The following CLVS1 variants were observed in gnomAD, a reference collection of about 807,000 sequenced individuals.
The protein encoded by CLVS1 is clavesin-1.
Under a neutral mutation model 33.1 loss-of-function variants are expected in CLVS1, and 10 were observed. That is an observed-to-expected ratio of 0.30 (90% CI 0.19 to 0.51). The LOEUF is 0.51. Among genes scored for constraint, CLVS1 ranks in the 20% least tolerant of loss-of-function variants. The probability of loss-of-function intolerance (pLI) is 0.97; values close to 1 mark genes in which losing one functional copy is unlikely to be tolerated. For synonymous variants in CLVS1, 163 were observed against 166.1 expected, an observed-to-expected ratio of 0.98 and a Z score of 0.14; for missense variants, 343 against 433.4, an observed-to-expected ratio of 0.79 and a Z score of 1.85.
chr8:61,113,236 T>A lies in CLVS1; in HGVS notation c.-242-18534T>A, dbSNP rs576413115. Reference sequence around the variant, plus strand: ...CATGGGGCGGGGAGTTGTGGGGTGATGCAGGGTAATGGAAGTTTTTGAGAA... The same window carrying A: ...CATGGGGCGGGGAGTTGTGGGGTGAAGCAGGGTAATGGAAGTTTTTGAGAA... On this transcript the variant is annotated intron_variant, in intron 1 of 2. Transcript: ENST00000522621. Among the ~76,000 whole-genome samples the A allele has an allele frequency of 1.2e-4, 18 of 152,224 alleles. No individual in the cohort carries two copies. In the South Asian group the frequency reaches 3.3e-3, roughly 28 times the overall value.
At chr8:60,986,777 A>G in the CLVS1 span, among the ~76,000 whole-genome samples, 1 of 152,310 alleles carries the variant, frequency 6.6e-6, no homozygotes, top group South Asian at 2.1e-4. Flanking sequence ...CATCAATTAT[A>G]TCCTGCCATA....
intron 2 of CLVS1, among the ~76,000 whole-genome samples, chr8:61,329,086 TC>T (rs1486114928): frequency 4.6e-5 from 7 of 152,206 alleles, no homozygotes; most frequent in South Asian, 2.1e-4. Flanking sequence ...TTTCTCACTT[TC>T]CCTAATAATC....
chr8:61,417,310 T>C (rs1026676355), intron 3 of CLVS1, among the ~76,000 whole-genome samples: 8 of 152,250 alleles, frequency 5.3e-5, no homozygotes, highest in Non-Finnish European at 1.0e-4. Flanking sequence ...TACAACACTG[T>C]ATTTAAGAAA....
At chr8:61,357,494 C>CTTTTTTCTTTTT (rs1812776886) in intron 2 of CLVS1, among the ~76,000 whole-genome samples, 1 of 25,804 alleles carries the variant, frequency 3.9e-5, no homozygotes, top group African/African-American at 9.9e-5. Context: ...TTTTTCTTTT[C>CTTTTTTCTTTTT]TTTTTTTTTT....
intron 2 of CLVS1, among the ~76,000 whole-genome samples, chr8:61,192,380 A>G (rs576756303): frequency 1.3e-5 from 2 of 152,344 alleles, no homozygotes; most frequent in Admixed American, 6.5e-5. Context: ...TTAATTCAGG[A>G]TGAATTAAAG....
chr8:61,047,872 G>A, the CLVS1 span, among the ~76,000 whole-genome samples: 1 of 152,052 alleles, frequency 6.6e-6, no homozygotes. Flanking sequence ...CAGCACACCA[G>A]CATGGCACAT....
chr8:61,382,731 A>G (rs1013560690), intron 3 of CLVS1, among the ~76,000 whole-genome samples: 2 of 152,140 alleles, frequency 1.3e-5, no homozygotes, highest in Admixed American at 1.3e-4. Context: ...AGAGCCCAAG[A>G]ATTTACACTT....
At chr8:60,984,279 T>A in the CLVS1 span, among the ~76,000 whole-genome samples, 1 of 151,874 alleles carries the variant, frequency 6.6e-6, no homozygotes, top group Admixed American at 6.6e-5. Flanking sequence ...TTACAAAGAG[T>A]CAAAAGGTCT....
At chr8:61,304,830 T>C (rs1810564027) in intron 2 of CLVS1, among the ~76,000 whole-genome samples, 1 of 152,062 alleles carries the variant, frequency 6.6e-6, no homozygotes, top group African/African-American at 2.4e-5. Flanking sequence ...AAGGTTAAAA[T>C]TGGTCAAGTA....
intron 3 of CLVS1, among the ~76,000 whole-genome samples, chr8:61,437,888 G>A (rs1816394728): frequency 6.6e-6 from 1 of 152,152 alleles, no homozygotes; most frequent in Non-Finnish European, 1.5e-5. Flanking sequence ...CTGATGTGTA[G>A]AATTTAAATA....
In CLVS1 at chr8:61,115,363, TTTTATTTA is replaced by T. The variant is rs753560215; in HGVS notation, c.-242-16391_-242-16384del. 6.7e-5 allele frequency among the ~76,000 whole-genome samples: 10 copies of T among 149,358 alleles called. No homozygotes were observed. In the South Asian group the frequency reaches 1.9e-3, roughly 28 times the overall value. On this transcript the variant is annotated intron_variant, in intron 1 of 2. Transcript: ENST00000522621. ...TTTTTTATTTTATTTTTATTTTTAT[TTTTATTTA>T]TTTATTTATTTATTTTTATTATACT...
intron 3 of CLVS1, among the ~76,000 whole-genome samples, chr8:61,395,263 AT>A (rs961129140): frequency 9.5e-4 from 144 of 152,354 alleles, no homozygotes; most frequent in African/African-American, 3.0e-3. Context: ...AATTTCATAG[AT>A]GCAGAAACTA....
At chr8:61,394,166 G>A (rs1303920009) in intron 3 of CLVS1, among the ~76,000 whole-genome samples, 2 of 152,200 alleles carry the variant, frequency 1.3e-5, no homozygotes, top group Non-Finnish European at 2.9e-5. Context: ...TGCCAACATG[G>A]TGAAACACTA....
At chr8:61,187,686 G>T (rs1468100224) in intron 2 of CLVS1, among the ~76,000 whole-genome samples, 2 of 151,732 alleles carry the variant, frequency 1.3e-5, no homozygotes, top group African/African-American at 2.4e-5. Context: ...AGGCTTGGTT[G>T]CTTGGACCAG....
In CLVS1 at chr8:61,398,882, T is replaced by A. The variant is rs183167285; in HGVS notation, c.630+22103T>A. ...CATGTCCCTGCAAAGGACATGATCT[T>A]ATTCCTTTTTATGGCTGCATAATAT... On this transcript the variant is annotated intron_variant, in intron 3 of 5. Coordinates refer to ENST00000325897, the MANE Select transcript of CLVS1 (RefSeq NM_173519.3). Among the ~76,000 whole-genome samples, 11 of 152,312 alleles carry A rather than the reference T, an allele frequency of 7.2e-5. 1 individual carries two copies. The East Asian group carries it at 1.9e-3, about 27-fold the overall frequency.
chr8:61,104,349 A>C (rs753040751), intron 1 of CLVS1, among the ~76,000 whole-genome samples: 2 of 152,222 alleles, frequency 1.3e-5, no homozygotes, highest in Non-Finnish European at 2.9e-5. Context: ...ACAGATTTAA[A>C]TTGATGTGCT....
intron 1 of CLVS1, among the ~76,000 whole-genome samples, chr8:61,113,821 G>C (rs1014831324): frequency 2.0e-5 from 3 of 152,120 alleles, no homozygotes; most frequent in Admixed American, 2.0e-4. Context: ...TTGTAGAGAC[G>C]GGGTGCCACT....
chr8:60,985,384 C>G, the CLVS1 span, among the ~76,000 whole-genome samples: 2 of 152,224 alleles, frequency 1.3e-5, no homozygotes, highest in African/African-American at 4.8e-5. Context: ...AGAGCTCCAC[C>G]TTGATCGCCA....
At chr8:61,125,332 G>C (rs375875893) in intron 1 of CLVS1, among the ~76,000 whole-genome samples, 9 of 152,312 alleles carry the variant, frequency 5.9e-5, no homozygotes, top group African/African-American at 2.2e-4. Context: ...TCAGGGGGAA[G>C]GCTCTGTGGG....
Sources: allele counts gnomAD v4.1 joint callset (sites outside exome capture counted in the v4.1 genomes callset), GRCh38; gene constraint gnomAD v4.1.1; transcripts MANE v1.5; gene names NCBI Gene and HGNC (gene_info 2026-07-23, HGNC 2026-07-21).